The following GALNTL6 variants were observed in gnomAD, a reference collection of about 807,000 sequenced individuals.
GALNTL6 encodes the protein polypeptide N-acetylgalactosaminyltransferase-like 6.
GALNTL6 carries 46 observed loss-of-function variants against 73.7 expected under a neutral mutation model. The ratio of observed to expected loss-of-function variants is 0.62; its 90% CI spans 0.49 to 0.80. GALNTL6 has a LOEUF of 0.80. Among genes scored for constraint, GALNTL6 ranks in the 30% least tolerant of loss-of-function variants. GALNTL6 has a pLI of 0.00. For missense variants in GALNTL6, 604 were observed against 755.0 expected, an observed-to-expected ratio of 0.80 and a Z score of 2.34; for synonymous variants, 259 against 263.7, an observed-to-expected ratio of 0.98 and a Z score of 0.17.
chr4:172,373,838 C>T (rs534563556), intron 5 of GALNTL6, among the ~76,000 whole-genome samples: 1 of 152,250 alleles, frequency 6.6e-6, no homozygotes, highest in African/African-American at 2.4e-5. Context: ...TCCCAGGATT[C>T]CTTGGATGGT....
chr4:172,528,855 A>G (rs338044), intron 5 of GALNTL6, among the ~76,000 whole-genome samples: 147,215 of 147,360 alleles, frequency 1, 73,535 homozygotes, highest in Middle Eastern at 1. Context: ...TTTTGCATAC[A>G]TTATATTTTT....
chr4:172,223,055 T>A (rs1456451341), intron 2 of GALNTL6, among the ~76,000 whole-genome samples: 1 of 152,008 alleles, frequency 6.6e-6, no homozygotes, highest in Non-Finnish European at 1.5e-5. Flanking sequence ...TTTTAAGATC[T>A]AAATACAAGA....
At chr4:171,856,595 G>A (rs897945850) in intron 2 of GALNTL6, among the ~76,000 whole-genome samples, 5 of 152,110 alleles carry the variant, frequency 3.3e-5, no homozygotes, top group African/African-American at 4.8e-5. Flanking sequence ...TTTGTGAAAA[G>A]TATTAATGTA....
Position 172,465,484 on chromosome 4 carries a change from G to GA in GALNTL6, c.553+116804dup, listed in dbSNP as rs200106457. Among the ~76,000 whole-genome samples the GA allele has an allele frequency of 1.3e-3, 193 of 147,992 alleles. 1 individual carries two copies. Among genetic ancestry groups the GA allele is most frequent in the African/African-American group, 4.5e-3 (183 of 40,316 alleles). ...AGAGCGAGAATCCGTCTCAAAAAAA[G>GA]AAAAAAAAAGAAAAAGAAAAAGAAA... On this transcript the variant is annotated intron_variant, in intron 5 of 12. Transcript: ENST00000506823.
At chr4:171,900,298 G>C (rs114730454) in intron 2 of GALNTL6, among the ~76,000 whole-genome samples, 5,198 of 151,898 alleles carry the variant, frequency 0.034, 272 homozygotes, top group African/African-American at 0.11. Context: ...CTCATACTTA[G>C]TGATATTTTA....
intron 2 of GALNTL6, among the ~76,000 whole-genome samples, chr4:172,200,995 G>A (rs1244238252): frequency 6.6e-6 from 1 of 152,146 alleles, no homozygotes; most frequent in Non-Finnish European, 1.5e-5. Context: ...ATTATTGTTA[G>A]TAAATAGTAT....
At chr4:172,820,866 T>C (rs548172033) in intron 7 of GALNTL6, among the ~76,000 whole-genome samples, 8 of 152,354 alleles carry the variant, frequency 5.3e-5, no homozygotes, top group African/African-American at 1.7e-4. Context: ...TTCTCTATGA[T>C]TGAGGTTTCA....
chr4:171,927,622 A>C (rs894994626), intron 2 of GALNTL6, among the ~76,000 whole-genome samples: 1 of 151,546 alleles, frequency 6.6e-6, no homozygotes, highest in Non-Finnish European at 1.5e-5. Flanking sequence ...CTCATTTCCT[A>C]CCACTCTCTG....
intron 10 of GALNTL6, among the ~76,000 whole-genome samples, chr4:172,958,243 G>A (rs1749854992): frequency 6.6e-6 from 1 of 152,226 alleles, no homozygotes; most frequent in Admixed American, 6.5e-5. Context: ...ATCAGCCGCT[G>A]CACGCAGACT....
chr4:172,012,731 C>T (rs1005377643), intron 2 of GALNTL6, among the ~76,000 whole-genome samples: 3 of 136,814 alleles, frequency 2.2e-5, no homozygotes, highest in African/African-American at 7.7e-5. Flanking sequence ...CCTATAATCT[C>T]CTCACATCAT....
intron 3 of GALNTL6, among the ~76,000 whole-genome samples, chr4:172,297,132 G>A (rs1739710021): frequency 6.6e-6 from 1 of 152,148 alleles, no homozygotes; most frequent in South Asian, 2.1e-4. Context: ...ATTTTTTCAT[G>A]TCTCTGTTGG....
chr4:172,389,565 G>A (rs1041940309), intron 5 of GALNTL6, among the ~76,000 whole-genome samples: 6 of 152,078 alleles, frequency 3.9e-5, no homozygotes, highest in African/African-American at 1.2e-4. Flanking sequence ...ATGAGTAGAT[G>A]TATATAACAC....
At chr4:172,652,645 G>A (rs1740527730) in intron 5 of GALNTL6, among the ~76,000 whole-genome samples, 1 of 152,148 alleles carries the variant, frequency 6.6e-6, no homozygotes, top group African/African-American at 2.4e-5. Context: ...AATGAAAAAA[G>A]AGGATTTCCA....
At chr4:172,464,452 A>C (rs1180488835) in intron 5 of GALNTL6, among the ~76,000 whole-genome samples, 1 of 152,078 alleles carries the variant, frequency 6.6e-6, no homozygotes, top group Non-Finnish European at 1.5e-5. Flanking sequence ...TCATGCCTGT[A>C]ATCCCAGCAT....
intron 9 of GALNTL6, among the ~76,000 whole-genome samples, chr4:172,934,023 T>C (rs1399471130): frequency 6.6e-6 from 1 of 152,230 alleles, no homozygotes; most frequent in Non-Finnish European, 1.5e-5. Flanking sequence ...TAGAAATACA[T>C]TTGTAAAATT....
intron 2 of GALNTL6, among the ~76,000 whole-genome samples, chr4:171,987,670 T>C (rs1740145853): frequency 6.6e-6 from 1 of 152,162 alleles, no homozygotes; most frequent in African/African-American, 2.4e-5. Flanking sequence ...TGAGGATAGA[T>C]TTCCACGATG....
At chr4:172,253,807 G>A (rs1737962938) in intron 3 of GALNTL6, among the ~76,000 whole-genome samples, 1 of 151,862 alleles carries the variant, frequency 6.6e-6, no homozygotes, top group Non-Finnish European at 1.5e-5. Flanking sequence ...CACTAAAGAA[G>A]ATTATTTTCT....
chr4:172,320,518 A>G (rs1740721682), intron 4 of GALNTL6, among the ~76,000 whole-genome samples: 1 of 152,206 alleles, frequency 6.6e-6, no homozygotes, highest in Non-Finnish European at 1.5e-5. Context: ...AAGTAATTGT[A>G]CGGTGGTGGT....
intron 5 of GALNTL6, among the ~76,000 whole-genome samples, chr4:172,446,583 T>G (rs1192389286): frequency 6.6e-6 from 1 of 152,066 alleles, no homozygotes; most frequent in Non-Finnish European, 1.5e-5. Flanking sequence ...AAGAAACAAG[T>G]GTTTTTTTTC....
Sources: gnomAD v4.1 joint callset for allele counts (sites outside exome capture counted in the v4.1 genomes callset) on GRCh38, gnomAD v4.1.1 for gene constraint, MANE v1.5 for transcripts, NCBI Gene and HGNC (gene_info 2026-07-23, HGNC 2026-07-21) for gene names.